NOTCH1: variants seen among roughly 807,000 people sequenced by gnomAD.
NOTCH1 encodes neurogenic locus notch homolog protein 1.
In NOTCH1, 37 loss-of-function variants were observed where a neutral mutation model predicts 254.8. The observed-to-expected ratio is 0.15, with a 90% CI of 0.11 to 0.19. The LOEUF (loss-of-function observed/expected upper bound fraction) is 0.19, where lower values mean the gene tolerates loss of function less well. Among genes scored for constraint, NOTCH1 ranks in the 10% least tolerant of loss-of-function variants. The pLI is 1.00. For synonymous variants in NOTCH1, 1,731 were observed against 1,618.1 expected, an observed-to-expected ratio of 1.07 and a Z score of -1.68; for missense variants, 2,972 against 3,708.6, an observed-to-expected ratio of 0.80 and a Z score of 5.16.
Position 136,500,539 on chromosome 9 carries a change from A to G in NOTCH1, c.5934+13T>C, listed in dbSNP as rs1326440924. 1 of 1,609,188 alleles carries G rather than the reference A, an allele frequency of 6.2e-7. No homozygotes were observed. The highest frequency in any genetic ancestry group is 1.3e-5 in the African/African-American group (1 of 74,940). On this transcript the variant is annotated intron_variant, in intron 31 of 33. Coordinates refer to ENST00000651671, the MANE Select transcript of NOTCH1 (RefSeq NM_017617.5). ...GAGGAGGGCAGGTGGGCACACAGGC[A>G]GCCACTGCCTACCTGGAAGACACCT...
intron 16 of NOTCH1, 69 bp from the exon 17 acceptor site, chr9:136,510,874 C>T (rs1843170761): frequency 6.3e-7 from 1 of 1,590,790 alleles, no homozygotes; most frequent in South Asian, 1.1e-5. Flanking sequence ...CCAGGCTGGC[C>T]CACCCACCTA....
chr9:136,534,398 C>A (rs1843609517), intron 2 of NOTCH1, among the ~76,000 whole-genome samples: 1 of 152,216 alleles, frequency 6.6e-6, no homozygotes. Flanking sequence ...CATCTGATGA[C>A]AAATTCTCAT....
intron 13 of NOTCH1, 111 bp downstream of exon 13, chr9:136,514,399 C>T (rs1843229230): frequency 2.4e-6 from 3 of 1,235,864 alleles, no homozygotes; most frequent in South Asian, 2.6e-5. Context: ...CCAGCCCCGT[C>T]CGAGGCCCGT....
chr9:136,505,989 G>A, intron 24 of NOTCH1, 108 bp from the exon 25 acceptor site: 2 of 997,506 alleles, frequency 2.0e-6, no homozygotes, highest in Non-Finnish European at 1.5e-6. Flanking sequence ...CTCTAACCTG[G>A]GAGGCGGCCT....
chr9:136,505,906 G>A (rs759679763), intron 24 of NOTCH1, 25 bp from the exon 25 acceptor site: 1 of 1,561,874 alleles, frequency 6.4e-7, no homozygotes, highest in Non-Finnish European at 8.6e-7. Flanking sequence ...AGACAGGACG[G>A]TGTCGGGGTG....
At chr9:136,534,971 C>G (rs1267245959) in intron 2 of NOTCH1, among the ~76,000 whole-genome samples, 1 of 69,244 alleles carries the variant, frequency 1.4e-5, no homozygotes, top group Non-Finnish European at 3.1e-5. Flanking sequence ...TCCCTCCCCA[C>G]AGAGCCCCCA....
At chr9:136,520,201 A>G (rs1451422318) in intron 4 of NOTCH1, among the ~76,000 whole-genome samples, 1 of 152,140 alleles carries the variant, frequency 6.6e-6, no homozygotes, top group Admixed American at 6.5e-5. Context: ...TTCAATGATC[A>G]ACCCAGAAAG....
chr9:136,501,658 G>A, intron 30 of NOTCH1, 90 bp downstream of exon 30: 6 of 1,493,394 alleles, frequency 4.0e-6, no homozygotes, highest in Non-Finnish European at 5.5e-6. Flanking sequence ...TAAGTTTCCA[G>A]AGTATCAACT....
chr9:136,510,005 C>A (rs563839273), intron 17 of NOTCH1, 44 bp from the exon 18 acceptor site: 1 of 1,569,642 alleles, frequency 6.4e-7, no homozygotes, highest in South Asian at 1.1e-5. Context: ...AGGCACAAAC[C>A]CACACCTGCG....
At chr9:136,535,061 C>T (rs75735827) in intron 2 of NOTCH1, among the ~76,000 whole-genome samples, 7 of 60,222 alleles carry the variant, frequency 1.2e-4, no homozygotes, top group African/African-American at 2.8e-4. Context: ...GACACCAGGC[C>T]CCAGACCTCC....
At chr9:136,517,422 G>T in intron 8 of NOTCH1, 37 bp from the exon 9 acceptor site, 1 of 1,332,234 alleles carries the variant, frequency 7.5e-7, no homozygotes, top group Non-Finnish European at 1.1e-6. Context: ...GGCACGCGCG[G>T]CCCCAGTGCC....
rs1357341610 is a variant in NOTCH1 at position 136,533,075 on chromosome 9, G to A, written c.141-9096C>T. On this transcript the variant is annotated intron_variant, in intron 2 of 33. Transcript: ENST00000651671. Reference sequence around the variant, plus strand: ...AGGACCTCGCCACGGCCTGAGCCCCGCCACCATGTGGACCCTGGACACTCA... The same window carrying A: ...AGGACCTCGCCACGGCCTGAGCCCCACCACCATGTGGACCCTGGACACTCA... Among the ~76,000 whole-genome samples the A allele has an allele frequency of 4.3e-5, 5 of 116,346 alleles. 1 individual carries two copies. The highest frequency in any genetic ancestry group is 3.8e-4 in the South Asian group (1 of 2,620). 76.3% of individuals were successfully genotyped at this position (116,346 alleles called of 152,430 possible).
At chr9:136,512,976 A>T (rs776184547) in intron 15 of NOTCH1, 45 bp downstream of exon 15, 1 of 326,668 alleles carries the variant, frequency 3.1e-6, no homozygotes, top group Non-Finnish European at 5.7e-6. Context: ...CGCCCCTCCC[A>T]CATAGGCCCC....
rs561722782 is a variant in NOTCH1 at position 136,495,175 on chromosome 9, A to G, written c.*896T>C. ...AGCCCAGGCAGTGTCTTTCCCCAGA[A>G]AAGGGTAGGATGCCTCCGTGTGTGA... On this transcript the variant is annotated 3_prime_UTR_variant, in exon 34 of 34. Transcript: ENST00000651671. The G allele has an allele frequency of 1.4e-3, 541 of 399,106 alleles. 1 individual carries two copies. Among genetic ancestry groups the G allele is most frequent in the South Asian group, 8.6e-3 (68 of 7,864 alleles). 24.7% of individuals were successfully genotyped at this position (399,106 alleles called of 1,614,324 possible). A position where few individuals can be genotyped will look rare whatever the true frequency, so the allele number is the denominator to read the frequency against.
chr9:136,500,534 CA>C lies in NOTCH1; in HGVS notation c.5934+17del. 1 of 1,608,660 alleles carries C rather than the reference CA, an allele frequency of 6.2e-7. No individual in the cohort carries two copies. The highest frequency in any genetic ancestry group is 8.5e-7 in the Non-Finnish European group (1 of 1,179,820). ...GCCCTGAGGAGGGCAGGTGGGCACA[CA>C]GGCAGCCACTGCCTACCTGGAAGAC... On this transcript the variant is annotated intron_variant, in intron 31 of 33. Coordinates refer to ENST00000651671, the MANE Select transcript of NOTCH1 (RefSeq NM_017617.5).
intron 5 of NOTCH1, among the ~76,000 whole-genome samples, chr9:136,519,159 A>G (rs1340242517): frequency 6.6e-6 from 1 of 152,222 alleles, no homozygotes; most frequent in Admixed American, 6.5e-5. Flanking sequence ...AAGGCCCTCA[A>G]TGCCAGGACA....
Position 136,507,947 on chromosome 9 carries a change from AC to A in NOTCH1, c.3510+7del. 3 of 1,612,010 alleles carry A rather than the reference AC, an allele frequency of 1.9e-6. No homozygotes were observed. The highest frequency in any genetic ancestry group is 2.5e-6 in the Non-Finnish European group (3 of 1,179,816). On this transcript the variant is annotated splice_region_variant and intron_variant, in intron 21 of 33. Transcript: ENST00000651671. ...GGCCACAACCCTTACCCTAGGAGGG[AC>A]CCCCACCTTGCAGGAGTAGCCGCCC...
intron 6 of NOTCH1, 146 bp from the exon 7 acceptor site, chr9:136,518,438 G>A (rs1053349903): frequency 4.4e-5 from 53 of 1,194,018 alleles, no homozygotes; most frequent in Admixed American, 3.6e-4. Context: ...GGGACGTTCC[G>A]GGGGACTCAC....
chr9:136,514,747 G>A (rs771548196), intron 12 of NOTCH1, 45 bp from the exon 13 acceptor site: 1 of 1,585,372 alleles, frequency 6.3e-7, no homozygotes, highest in Non-Finnish European at 8.6e-7. Flanking sequence ...CGCCCAGGGG[G>A]TCCCACCCAC....
Sources: allele counts gnomAD v4.1 joint callset (sites outside exome capture counted in the v4.1 genomes callset), GRCh38; gene constraint gnomAD v4.1.1; transcripts MANE v1.5; gene names NCBI Gene and HGNC (gene_info 2026-07-23, HGNC 2026-07-21).